The following DAO variants were observed in gnomAD, a reference collection of about 807,000 sequenced individuals.
DAO encodes D-amino acid oxidase.
A neutral mutation model predicts 50.1 loss-of-function variants in DAO; 51 were observed. The observed-to-expected ratio is 1.02, with a 90% CI of 0.81 to 1.29. DAO has a LOEUF of 1.29. Among genes scored for constraint, DAO ranks in the 50% most tolerant of loss-of-function variants. DAO has a pLI of 0.00. For missense variants in DAO, 436 were observed against 439.4 expected, an observed-to-expected ratio of 0.99 and a Z score of 0.07; for synonymous variants, 160 against 166.2, an observed-to-expected ratio of 0.96 and a Z score of 0.29.
intron 1 of DAO, among the ~76,000 whole-genome samples, chr12:108,880,826 T>A (rs1388990250): frequency 6.6e-6 from 1 of 152,012 alleles, no homozygotes; most frequent in Non-Finnish European, 1.5e-5. Context: ...CCTAGGCAGA[T>A]AAATGCAAGA....
intron 1 of DAO, among the ~76,000 whole-genome samples, chr12:108,883,100 C>T (rs770292281): frequency 1.1e-4 from 17 of 151,050 alleles, no homozygotes; most frequent in Non-Finnish European, 1.8e-4. Flanking sequence ...TAGCCAAGGT[C>T]GCACAGCAAG....
chr12:108,887,345 A>T, intron 2 of DAO, 105 bp from the exon 3 acceptor site: 1 of 842,084 alleles, frequency 1.2e-6, no homozygotes, highest in Non-Finnish European at 2.1e-6. Flanking sequence ...TGGGTTTTGG[A>T]CACACCCCAA....
rs780736778 is a variant in DAO, at chr12:108,887,412, A to T, written c.195-38A>T. ...TGACCTAAGGTTTTTTGCCCAGCTC[A>T]GGGCATTGGGTGATCGAACTCTTCA... On this transcript the variant is annotated intron_variant, in intron 2 of 10. Coordinates refer to ENST00000228476, the MANE Select transcript of DAO (RefSeq NM_001917.5). 18 of 1,505,666 alleles carry T rather than the reference A, an allele frequency of 1.2e-5. No individual in the cohort carries two copies. The South Asian group carries it at 1.4e-4, about 11-fold the overall frequency. 93.3% of individuals were successfully genotyped at this position (1,505,666 alleles called of 1,614,324 possible).
At chr12:108,899,996 C>G (rs1163235417) in intron 10 of DAO, 2 of 310,968 alleles carry the variant, frequency 6.4e-6, no homozygotes, top group Non-Finnish European at 1.2e-5. Flanking sequence ...TACTTCGTGT[C>G]AGACACAGCA....
chr12:108,885,062 T>C lies in DAO; in HGVS notation c.56T>C (p.Ile19Thr), dbSNP rs745615849. Residue 19 changes from isoleucine (I) to threonine (T), a missense_variant, in exon 2 of 11, where the codon ATC (isoleucine) becomes ACC (threonine). Physicochemically the swap from Ile to Thr is moderately conservative, Grantham distance 89 (BLOSUM62 -1). Coordinates refer to ENST00000228476, the MANE Select transcript of DAO (RefSeq NM_001917.5). The stretch of plus-strand genomic sequence containing the variant: ...ATCGGGCTGTCCACCGCCCTCTGCA[T>C]CCATGAGCGCTACCACTCAGTCCTG... Reference protein sequence around the residue: ...GVIGLSTALCIHERYHSVLQP... With the variant: ...GVIGLSTALCTHERYHSVLQP... 2 of 1,614,096 alleles carry C rather than the reference T, an allele frequency of 1.2e-6. No individual in the cohort carries two copies. Among genetic ancestry groups the C allele is most frequent in the Admixed American group, 1.7e-5 (1 of 60,012 alleles).
At chr12:108,886,894 A>AC (rs371537129) in intron 2 of DAO, among the ~76,000 whole-genome samples, 33 of 152,194 alleles carry the variant, frequency 2.2e-4, no homozygotes, top group African/African-American at 7.5e-4. Flanking sequence ...CCTCAATGTC[A>AC]CCATTCACAT....
Position 108,898,754 on chromosome 12 carries a change from C to T in DAO, c.771C>T (p.Asn257=). Residue 257 remains asparagine (N), a synonymous_variant, in exon 9 of 11, where the codon AAC becomes AAT. Transcript: ENST00000228476. ...AACTAAACAATATCCAGGACCACAA[C>T]ACCATTTGGGAAGGCTGCTGCAGAC... is the stretch of plus-strand genomic sequence containing the variant. ...WSELNNIQDH[N]TIWEGCCRLE... The T allele has an allele frequency of 6.2e-7, 1 of 1,614,094 alleles. No homozygotes were observed. Among genetic ancestry groups the T allele is most frequent in the East Asian group, 2.2e-5 (1 of 44,880 alleles).
chr12:108,885,262 C>A, intron 2 of DAO, 62 bp downstream of exon 2: 1 of 1,507,050 alleles, frequency 6.6e-7, no homozygotes, highest in Non-Finnish European at 9.1e-7. Flanking sequence ...CAGAGGGAGT[C>A]AGGGTTCCCA....
chr12:108,895,424 G>T (rs1288554045), intron 7 of DAO, among the ~76,000 whole-genome samples: 1 of 141,918 alleles, frequency 7.0e-6, no homozygotes, highest in African/African-American at 2.6e-5. Context: ...TGTGTGTGAG[G>T]GTGTGTGCAT....
intron 6 of DAO, among the ~76,000 whole-genome samples, chr12:108,893,974 T>A (rs1193636871): frequency 6.6e-6 from 1 of 152,130 alleles, no homozygotes; most frequent in Non-Finnish European, 1.5e-5. Context: ...ACTTTTATAT[T>A]CAGAGTTGTG....
chr12:108,881,247 C>A (rs2039374727), intron 1 of DAO, among the ~76,000 whole-genome samples: 1 of 144,202 alleles, frequency 6.9e-6, no homozygotes, highest in Non-Finnish European at 1.5e-5. Context: ...ATACTCCAAG[C>A]TTGCTGGGTT....
At position 108,894,962 on chromosome 12, in the gene DAO, C is replaced by A. The variant is rs193062046; in HGVS notation, c.612+595C>A. ...AACTCCTGGGCTCAAGTGATCCCCC[C>A]ACCTTGGCCTGTCAAAGTGCTGGGA... On this transcript the variant is annotated intron_variant, in intron 7 of 10. Transcript: ENST00000228476. Among the ~76,000 whole-genome samples, 234 of 152,316 alleles carry A rather than the reference C, an allele frequency of 1.5e-3. 1 individual carries two copies. Among genetic ancestry groups the A allele is most frequent in the Admixed American group, 0.013 (203 of 15,296 alleles).
chr12:108,900,314 G>A, intron 10 of DAO, 90 bp from the exon 11 acceptor site: 1 of 1,538,236 alleles, frequency 6.5e-7, no homozygotes, highest in Non-Finnish European at 8.9e-7. Flanking sequence ...CTCTTCGGGA[G>A]GCTCCTGAGT....
At chr12:108,890,615 T>C (rs1267721869) in intron 5 of DAO, among the ~76,000 whole-genome samples, 1 of 152,212 alleles carries the variant, frequency 6.6e-6, no homozygotes, top group Non-Finnish European at 1.5e-5. Flanking sequence ...CCTTTTATTT[T>C]TATCTCCCTC....
At chr12:108,889,625 GC>G in intron 4 of DAO, 80 bp downstream of exon 4, 1 of 1,140,684 alleles carries the variant, frequency 8.8e-7, no homozygotes, top group Non-Finnish European at 1.3e-6. Flanking sequence ...GAGGGTAGAG[GC>G]ACCAGATTTC....
chr12:108,900,802 G>A lies in DAO; in HGVS notation c.*267G>A. On this transcript the variant is annotated 3_prime_UTR_variant, in exon 11 of 11. Coordinates refer to ENST00000228476, the MANE Select transcript of DAO (RefSeq NM_001917.5). Reference sequence around the variant, plus strand: ...CATTCCATGAGTCTTCAGAAGAAAGGACAGCTCAGAAAATCAAAGAGGCCA... The same window carrying A: ...CATTCCATGAGTCTTCAGAAGAAAGAACAGCTCAGAAAATCAAAGAGGCCA... The A allele has an allele frequency of 2.5e-6, 1 of 402,754 alleles. No homozygotes were observed. The highest frequency in any genetic ancestry group is 2.2e-5 in the South Asian group (1 of 45,414). The allele number at this position is 402,754 out of a possible 1,614,324, so 24.9% of individuals were successfully genotyped here. A position where few individuals can be genotyped will look rare whatever the true frequency, so the allele number is the denominator to read the frequency against.
chr12:108,890,989 T>G (rs2039484500), intron 5 of DAO, among the ~76,000 whole-genome samples: 1 of 152,058 alleles, frequency 6.6e-6, no homozygotes, highest in Admixed American at 6.6e-5. Context: ...ACCTGGCTAA[T>G]TTTTTGTATT....
chr12:108,900,202 T>C, intron 10 of DAO: 1 of 573,218 alleles, frequency 1.7e-6, no homozygotes, highest in East Asian at 3.1e-5. Flanking sequence ...CAGATATCCA[T>C]TTTGTGGCTG....
chr12:108,887,658 G>T lies in DAO; in HGVS notation c.309+94G>T, dbSNP rs1031696780. The stretch of plus-strand genomic sequence containing the variant: ...GAGCCTTAATCACAGATGAGGGCGG[G>T]GTGCTTTGAGTCTCGTAGGCAACAG... On this transcript the variant is annotated intron_variant, in intron 3 of 10. Transcript: ENST00000228476. The T allele has an allele frequency of 4.6e-5, 41 of 884,546 alleles. No individual in the cohort carries two copies. The East Asian group carries it at 9.4e-4, about 20-fold the overall frequency. 54.8% of individuals were successfully genotyped at this position (884,546 alleles called of 1,614,324 possible).
Sources: gnomAD v4.1 joint callset for allele counts (sites outside exome capture counted in the v4.1 genomes callset) on GRCh38, gnomAD v4.1.1 for gene constraint, MANE v1.5 for transcripts, NCBI Gene and HGNC (gene_info 2026-07-23, HGNC 2026-07-21) for gene names.